Variants in CYTH1 observed in about 807,000 individuals in gnomAD.
CYTH1 encodes the protein cytohesin 1.
CYTH1 carries 18 observed loss-of-function variants against 61.8 expected under a neutral mutation model. The ratio of observed to expected loss-of-function variants is 0.29; its 90% CI spans 0.20 to 0.43. The LOEUF (loss-of-function observed/expected upper bound fraction) is 0.43, where lower values mean the gene tolerates loss of function less well. CYTH1 is among the 20% of genes least tolerant of loss of function. The pLI, the probability that CYTH1 is intolerant of heterozygous loss-of-function variation, is 1.00. For missense variants in CYTH1, 336 were observed against 510.5 expected (o/e 0.66, Z 3.29); for synonymous variants, 174 against 184.3 (o/e 0.94, Z 0.45).
intron 3 of CYTH1, 85 bp downstream of exon 3, chr17:78,708,112 C>A: frequency 7.3e-7 from 1 of 1,369,780 alleles, no homozygotes; most frequent in East Asian, 2.3e-5. Flanking sequence ...CTTTTTCCTT[C>A]AATGTGCCAC....
At chr17:78,728,388 A>G (rs1034570876) in intron 1 of CYTH1, among the ~76,000 whole-genome samples, 36 of 152,196 alleles carry the variant, frequency 2.4e-4, no homozygotes, top group African/African-American at 8.4e-4. Flanking sequence ...TCTACTAAAA[A>G]TACAAAATTA....
chr17:78,694,091 A>G (rs759151196), intron 10 of CYTH1, among the ~76,000 whole-genome samples: 19 of 152,224 alleles, frequency 1.2e-4, no homozygotes, highest in Non-Finnish European at 2.2e-4. Context: ...AGAGAAACCT[A>G]AGGGGAGTAT....
intron 1 of CYTH1, among the ~76,000 whole-genome samples, chr17:78,733,076 CAAAAAAAAAAAAAAAAA>C (rs56020680): frequency 2.9e-4 from 14 of 47,694 alleles, no homozygotes; most frequent in East Asian, 9.3e-4. Context: ...GACTCCATCT[CAAAAAAAAAAAAAAAAA>C]AAAAAAAAAA....
intron 1 of CYTH1, among the ~76,000 whole-genome samples, chr17:78,772,834 C>A (rs1365036945): frequency 2.0e-5 from 3 of 149,886 alleles, no homozygotes; most frequent in African/African-American, 7.4e-5. Flanking sequence ...CCACACCTGG[C>A]CTGTTTTGTT....
chr17:78,686,209 C>A lies in CYTH1; in HGVS notation c.892-5167G>T, dbSNP rs575915921. ...ATATAATCTCTGTGATTGGCTCAAG[C>A]GTTTAAGACATTATATTTATAGGAC... On this transcript the variant is annotated intron_variant, in intron 11 of 13. Coordinates refer to ENST00000446868, the MANE Select transcript of CYTH1 (RefSeq NM_004762.6). 2.7e-4 allele frequency among the ~76,000 whole-genome samples: 41 copies of A among 152,222 alleles called. 1 individual carries two copies. In the South Asian group the frequency reaches 8.5e-3, roughly 32 times the overall value.
intron 1 of CYTH1, among the ~76,000 whole-genome samples, chr17:78,762,188 A>G (rs1221412988): frequency 5.3e-5 from 8 of 152,212 alleles, no homozygotes; most frequent in African/African-American, 1.9e-4. Flanking sequence ...AAACATTCCT[A>G]AGAACAGAGA....
intron 1 of CYTH1, among the ~76,000 whole-genome samples, chr17:78,779,927 G>A (rs2093509985): frequency 6.6e-6 from 1 of 152,236 alleles, no homozygotes; most frequent in Admixed American, 6.5e-5. Flanking sequence ...AACACGCCCT[G>A]CTTCCACTTA....
At chr17:78,702,511 ACCACTT>A (rs1271532571) in intron 4 of CYTH1, 21 bp downstream of exon 4, 1 of 1,611,806 alleles carries the variant, frequency 6.2e-7, no homozygotes, top group East Asian at 2.2e-5. Flanking sequence ...TCTAATATGG[ACCACTT>A]CCCGCTTCTT....
chr17:78,701,636 C>T (rs1319203876), intron 6 of CYTH1, 35 bp downstream of exon 6: 2 of 1,600,766 alleles, frequency 1.2e-6, no homozygotes, highest in South Asian at 1.1e-5. Context: ...TAGCCTCCCA[C>T]TCCTTCCAAA....
chr17:78,737,916 G>A (rs930764018), intron 1 of CYTH1, among the ~76,000 whole-genome samples: 2 of 150,668 alleles, frequency 1.3e-5, no homozygotes, highest in Admixed American at 6.6e-5. Context: ...TTTATATGTC[G>A]TTTTATAGCT....
At chr17:78,751,343 T>C (rs2093379429) in intron 1 of CYTH1, among the ~76,000 whole-genome samples, 1 of 152,120 alleles carries the variant, frequency 6.6e-6, no homozygotes, top group Admixed American at 6.6e-5. Flanking sequence ...TGAGCAAAGC[T>C]TCGCTAACAT....
chr17:78,750,779 G>T (rs534072177), intron 1 of CYTH1, among the ~76,000 whole-genome samples: 2 of 149,670 alleles, frequency 1.3e-5, no homozygotes, highest in African/African-American at 2.5e-5. Flanking sequence ...TCCAGACTGG[G>T]CGAGAGAGCG....
chr17:78,681,112 G>A (rs1367183082), intron 11 of CYTH1, 70 bp from the exon 12 acceptor site: 13 of 1,515,746 alleles, frequency 8.6e-6, no homozygotes, highest in South Asian at 2.4e-5. Flanking sequence ...ATTCCTCGCC[G>A]GTGACTCAGC....
chr17:78,756,395 G>A (rs866890233), intron 1 of CYTH1, among the ~76,000 whole-genome samples: 1 of 152,158 alleles, frequency 6.6e-6, no homozygotes. Context: ...ACTTTAAATG[G>A]ATACCATTTA....
intron 8 of CYTH1, 137 bp from the exon 9 acceptor site, chr17:78,698,517 T>C (rs1456091595): frequency 4.1e-6 from 3 of 723,698 alleles, no homozygotes; most frequent in Admixed American, 2.9e-5. Context: ...TAGAAGATTA[T>C]GACCATTTCT....
At chr17:78,702,636 C>A in intron 3 of CYTH1, 32 bp from the exon 4 acceptor site, 1 of 1,606,674 alleles carries the variant, frequency 6.2e-7, no homozygotes. Flanking sequence ...CATTTTAGTA[C>A]TTCAGGCCAT....
intron 1 of CYTH1, among the ~76,000 whole-genome samples, chr17:78,779,383 A>G (rs1374557118): frequency 6.9e-6 from 1 of 145,558 alleles, no homozygotes; most frequent in East Asian, 2.0e-4. Context: ...CTGGGCAACA[A>G]GAGTGAAACT....
chr17:78,677,269 A>T, intron 13 of CYTH1: 1 of 363,088 alleles, frequency 2.8e-6, no homozygotes, highest in Admixed American at 3.5e-5. Flanking sequence ...GGGTAGGCCA[A>T]CCCTTTCGGG....
intron 1 of CYTH1, among the ~76,000 whole-genome samples, chr17:78,724,315 T>A (rs987486532): frequency 2.6e-5 from 4 of 152,150 alleles, no homozygotes; most frequent in Admixed American, 2.0e-4. Context: ...GAATACAGGG[T>A]TACTGCAGAC....
Sources: gnomAD v4.1 joint callset for allele counts (sites outside exome capture counted in the v4.1 genomes callset) on GRCh38, gnomAD v4.1.1 for gene constraint, MANE v1.5 for transcripts, NCBI Gene and HGNC (gene_info 2026-07-23, HGNC 2026-07-21) for gene names.